The following ADGRG7 variants were observed in gnomAD, a reference collection of about 807,000 sequenced individuals.
The protein encoded by ADGRG7 is adhesion G protein-coupled receptor G7.
In ADGRG7, 82 loss-of-function variants were observed where a neutral mutation model predicts 88.6. That is an observed-to-expected ratio of 0.93 (90% CI 0.77 to 1.11). The LOEUF is 1.11. Among genes scored for constraint, ADGRG7 ranks in the 50% most tolerant of loss-of-function variants. The probability of loss-of-function intolerance (pLI) is 0.00; values close to 1 mark genes in which losing one functional copy is unlikely to be tolerated. For missense variants in ADGRG7, 945 were observed against 953.4 expected, an observed-to-expected ratio of 0.99 and a Z score of 0.12; for synonymous variants, 381 against 345.2, an observed-to-expected ratio of 1.10 and a Z score of -1.15.
At chr3:100,682,822 C>T (rs2094975798) in intron 15 of ADGRG7, among the ~76,000 whole-genome samples, 1 of 152,158 alleles carries the variant, frequency 6.6e-6, no homozygotes, top group South Asian at 2.1e-4. Flanking sequence ...CTCAGTTGGC[C>T]GGGTGGGAGC....
rs570670689 is a variant in ADGRG7 at position 100,694,736 on chromosome 3, A to G, written c.2137-8A>G. Reference sequence around the variant, plus strand: ...TTACCCAACATTAAACTTTTGTTCTATCTGCAGGGATTGCAAATTTTTATC... The same window carrying G: ...TTACCCAACATTAAACTTTTGTTCTGTCTGCAGGGATTGCAAATTTTTATC... On this transcript the variant is annotated splice_region_variant and splice_polypyrimidine_tract_variant and intron_variant, in intron 15 of 15. Transcript: ENST00000273352. 1.2e-6 allele frequency: 2 copies of G among 1,612,528 alleles called. No individual in the cohort carries two copies. The highest frequency in any genetic ancestry group is 2.2e-5 in the South Asian group (2 of 90,986).
At chr3:100,622,974 G>A (rs1707336075) in intron 1 of ADGRG7, among the ~76,000 whole-genome samples, 1 of 151,238 alleles carries the variant, frequency 6.6e-6, no homozygotes, top group South Asian at 2.1e-4. Flanking sequence ...AGGTTGGCCA[G>A]GCTGGTCTCA....
chr3:100,678,098 G>A (rs2094968006), intron 15 of ADGRG7, among the ~76,000 whole-genome samples: 1 of 151,546 alleles, frequency 6.6e-6, no homozygotes, highest in Non-Finnish European at 1.5e-5. Context: ...TTGTGGGCAT[G>A]CATCATTAAT....
At chr3:100,611,223 A>C (rs948354151) in intron 1 of ADGRG7, among the ~76,000 whole-genome samples, 2 of 150,858 alleles carry the variant, frequency 1.3e-5, no homozygotes, top group African/African-American at 4.9e-5. Flanking sequence ...GACATACTTC[A>C]CAAAGTTTTG....
rs1243679524 is a variant in ADGRG7, at chr3:100,649,824, G to A, written c.1379+17G>A. The A allele has an allele frequency of 2.9e-6, 4 of 1,402,602 alleles. No individual in the cohort carries two copies. The highest frequency in any genetic ancestry group is 3.5e-5 in the Admixed American group (2 of 57,686). 86.9% of individuals were successfully genotyped at this position (1,402,602 alleles called of 1,614,324 possible). On this transcript the variant is annotated intron_variant, in intron 11 of 15. Transcript: ENST00000273352. ...TGTCACCAGGTAAGAGCAGAAGCAG[G>A]CTCTTTTCAGAAGAGAAATTGCTAT...
chr3:100,664,083 C>T (rs995173138), intron 14 of ADGRG7, among the ~76,000 whole-genome samples: 6 of 151,840 alleles, frequency 4.0e-5, no homozygotes, highest in South Asian at 2.1e-4. Context: ...AGCAGATAGT[C>T]GGAATTTTTA....
At chr3:100,662,447 C>T (rs2094946745) in intron 14 of ADGRG7, among the ~76,000 whole-genome samples, 1 of 152,118 alleles carries the variant, frequency 6.6e-6, no homozygotes, top group Non-Finnish European at 1.5e-5. Flanking sequence ...GTCAATTAAA[C>T]AAAAGCAGTC....
chr3:100,690,738 C>T (rs2094991916), intron 15 of ADGRG7, among the ~76,000 whole-genome samples: 2 of 152,190 alleles, frequency 1.3e-5, no homozygotes, highest in Admixed American at 1.3e-4. Context: ...AGTTTTGTCT[C>T]AGAGGAGTAC....
At chr3:100,610,049 A>C (rs987514726) in intron 1 of ADGRG7, 78 bp downstream of exon 1, 1 of 1,149,216 alleles carries the variant, frequency 8.7e-7, no homozygotes. Flanking sequence ...GTGCACAAGT[A>C]CTGGGAGGTA....
rs375338974 is a variant in ADGRG7 at position 100,637,402 on chromosome 3, C to T, written c.698C>T (p.Thr233Met). Residue 233 changes from threonine (T) to methionine (M), a missense_variant and splice_region_variant, in exon 6 of 16, where the codon ACG becomes ATG. Thr to Met is a moderately conservative substitution (Grantham distance 81). Coordinates refer to ENST00000273352, the MANE Select transcript of ADGRG7 (RefSeq NM_032787.3). ...AATANDDALTTLIEQMETYSL... is the reference protein window; with the variant it reads ...AATANDDALTMLIEQMETYSL... ...ACTGCTAATGATGATGCCCTTACAA[C>T]GTAAGCACAAATTCAATTTGGAAAG... is the stretch of plus-strand genomic sequence containing the variant. 1.7e-5 allele frequency: 28 copies of T among 1,605,634 alleles called. No individual in the cohort carries two copies. Among genetic ancestry groups the T allele is most frequent in the Middle Eastern group, 1.6e-4 (1 of 6,064 alleles).
At chr3:100,615,662 A>G (rs1707214710) in intron 1 of ADGRG7, among the ~76,000 whole-genome samples, 1 of 152,240 alleles carries the variant, frequency 6.6e-6, no homozygotes, top group South Asian at 2.1e-4. Flanking sequence ...GTAGACATGG[A>G]TGGACCTCCT....
intron 3 of ADGRG7, among the ~76,000 whole-genome samples, chr3:100,632,241 T>C (rs1707468479): frequency 6.6e-6 from 1 of 152,080 alleles, no homozygotes; most frequent in Non-Finnish European, 1.5e-5. Flanking sequence ...GACTCAACAT[T>C]TTTTATTTGG....
intron 13 of ADGRG7, among the ~76,000 whole-genome samples, chr3:100,658,191 T>C (rs74722389): frequency 0.012 from 1,867 of 152,256 alleles, 20 homozygotes; most frequent in Non-Finnish European, 0.021. Flanking sequence ...ACATACCACA[T>C]CCAACCCATC....
In ADGRG7 at chr3:100,635,816, C is replaced by T. The variant is rs747052333; in HGVS notation, c.587C>T (p.Ala196Val). Residue 196 changes from alanine to valine, a missense_variant, in exon 5 of 16, where the codon GCT becomes GTT. By Grantham distance (64) the Ala-to-Val change is moderately conservative (BLOSUM62 0). Coordinates refer to ENST00000273352, the MANE Select transcript of ADGRG7 (RefSeq NM_032787.3). ...VGQIFNTSRN[A>V]SPEAKKVAIV... ...CAGATATTCAACACTTCCAGAAATG[C>T]TTCACCTGAGGTAAAACTCACAGAG... 7 of 1,610,658 alleles carry T rather than the reference C, an allele frequency of 4.3e-6. No individual in the cohort carries two copies. Among genetic ancestry groups the T allele is most frequent in the Non-Finnish European group, 5.9e-6 (7 of 1,179,074 alleles).
chr3:100,649,581 A>G (rs7622958), intron 10 of ADGRG7, 114 bp from the exon 11 acceptor site: 349,124 of 584,336 alleles, frequency 0.6, 107,391 homozygotes, highest in South Asian at 0.75. Flanking sequence ...TACAAAAGGA[A>G]GATATATCTG....
rs368466777 is a variant in ADGRG7, at chr3:100,695,054, C to T, written c.*53C>T. 6.4e-7 allele frequency: 1 copy of T among 1,555,514 alleles called. No homozygotes were observed. The highest frequency in any genetic ancestry group is 1.2e-5 in the South Asian group (1 of 84,720). On this transcript the variant is annotated 3_prime_UTR_variant, in exon 16 of 16. Coordinates refer to ENST00000273352, the MANE Select transcript of ADGRG7 (RefSeq NM_032787.3). Reference sequence around the variant, plus strand: ...TTTAATCACCTCGTTTGAGTTTTATCTGTTTCTCTCCTTTATTTCCCAGTC... The same window carrying T: ...TTTAATCACCTCGTTTGAGTTTTATTTGTTTCTCTCCTTTATTTCCCAGTC...
chr3:100,612,703 C>T (rs772043640), intron 1 of ADGRG7, among the ~76,000 whole-genome samples: 4 of 152,236 alleles, frequency 2.6e-5, no homozygotes, highest in East Asian at 3.9e-4. Context: ...TCTTCTGGTT[C>T]GTAGAATTTC....
At chr3:100,655,701 A>G (rs1175322019) in intron 12 of ADGRG7, among the ~76,000 whole-genome samples, 198 bp from the exon 13 acceptor site, 1 of 152,256 alleles carries the variant, frequency 6.6e-6, no homozygotes, top group Non-Finnish European at 1.5e-5. Context: ...TAGAGCCATC[A>G]GTGAAAGGGA....
At position 100,609,885 on chromosome 3, in the gene ADGRG7, G is replaced by A; in HGVS notation, c.29G>A (p.Arg10Lys). The part of the protein sequence containing the change: MASCRAWNL[R>K]VLVAVVCGLL... ...GCTTCCTGCCGTGCCTGGAACCTTA[G>A]GGTGCTGGTGGCTGTCGTGTGTGGA... Residue 10 changes from arginine (R) to lysine (K), a missense_variant, in exon 1 of 16, where the codon AGG becomes AAG. Coordinates refer to ENST00000273352, the MANE Select transcript of ADGRG7 (RefSeq NM_032787.3). The A allele has an allele frequency of 6.2e-7, 1 of 1,614,018 alleles. No individual in the cohort carries two copies. The highest frequency in any genetic ancestry group is 1.7e-4 in the Middle Eastern group (1 of 6,060).
Sources: gnomAD v4.1 joint callset for allele counts (sites outside exome capture counted in the v4.1 genomes callset) on GRCh38, gnomAD v4.1.1 for gene constraint, MANE v1.5 for transcripts, NCBI Gene and HGNC (gene_info 2026-07-23, HGNC 2026-07-21) for gene names.